The following TBC1D5 variants were observed in gnomAD, a reference collection of about 807,000 sequenced individuals.
The protein encoded by TBC1D5 is TBC1 domain family, member 5.
TBC1D5 carries 75 observed loss-of-function variants against 100.3 expected under a neutral mutation model. The observed-to-expected ratio is 0.75, with a 90% CI of 0.62 to 0.91. TBC1D5 has a LOEUF of 0.91. Ranked by LOEUF, TBC1D5 falls within the 40% of genes least tolerant of loss-of-function variation. The probability of loss-of-function intolerance (pLI) is 0.00; values close to 1 mark genes in which losing one functional copy is unlikely to be tolerated. For missense variants in TBC1D5, 910 were observed against 942.4 expected (o/e 0.97, Z 0.45); for synonymous variants, 323 against 325.6 (o/e 0.99, Z 0.09).
At chr3:17,667,732 A>G (rs2067434547) in intron 1 of TBC1D5, among the ~76,000 whole-genome samples, 1 of 152,158 alleles carries the variant, frequency 6.6e-6, no homozygotes, top group Non-Finnish European at 1.5e-5. Context: ...GATTACAAGC[A>G]TGAGCCACGG....
In TBC1D5 at chr3:17,561,650, G is replaced by C. The variant is rs1284939335; in HGVS notation, c.-35-53045C>G. Among the ~76,000 whole-genome samples the C allele has an allele frequency of 3.3e-5, 5 of 152,012 alleles. No homozygotes were observed. The East Asian group carries it at 5.8e-4, about 18-fold the overall frequency. The stretch of plus-strand genomic sequence containing the variant: ...TTTAAACACTGGAGTGGGAGGGTGA[G>C]GAGTATTATGTACAGCTTTAGGCCA... On this transcript the variant is annotated intron_variant, in intron 2 of 21. Coordinates refer to ENST00000253692, the Ensembl canonical transcript of TBC1D5.
intron 4 of TBC1D5, among the ~76,000 whole-genome samples, chr3:17,408,627 C>T (rs553057376): frequency 1.9e-4 from 29 of 152,094 alleles, no homozygotes; most frequent in Non-Finnish European, 3.7e-4. Context: ...AAGTCCTATA[C>T]TTTTAAAAAT....
intron 13 of TBC1D5, among the ~76,000 whole-genome samples, chr3:17,328,213 T>C (rs2086411206): frequency 6.6e-6 from 1 of 151,730 alleles, no homozygotes; most frequent in South Asian, 2.1e-4. Context: ...GAGGCCACAG[T>C]GAGCCATGAA....
At chr3:17,563,862 A>G (rs1249373371) in intron 2 of TBC1D5, among the ~76,000 whole-genome samples, 3 of 152,164 alleles carry the variant, frequency 2.0e-5, no homozygotes, top group African/African-American at 7.2e-5. Context: ...AGCTCTCTGC[A>G]AGCTCCGCCT....
rs71049202 is a variant in TBC1D5, at chr3:17,497,087, G to GACACACAC, written c.97+11379_97+11386dup. Among the ~76,000 whole-genome samples, 86 of 129,082 alleles carry GACACACAC rather than the reference G, an allele frequency of 6.7e-4. 1 individual carries two copies. Among genetic ancestry groups the GACACACAC allele is most frequent in the East Asian group, 2.0e-3 (8 of 4,022 alleles). 84.7% of individuals were successfully genotyped at this position (129,082 alleles called of 152,430 possible). ...TCTCTCTTTCTTTCTCTCTCTCTCT[G>GACACACAC]ACACACACACACACACACACACACA... On this transcript the variant is annotated intron_variant, in intron 3 of 21. Coordinates refer to ENST00000253692, the Ensembl canonical transcript of TBC1D5.
chr3:17,683,882 T>G (rs2069864349), intron 1 of TBC1D5, among the ~76,000 whole-genome samples: 1 of 152,194 alleles, frequency 6.6e-6, no homozygotes, highest in African/African-American at 2.4e-5. Flanking sequence ...AAGTCTACAT[T>G]AATGTCTCTT....
chr3:17,624,792 C>T (rs911217280), intron 1 of TBC1D5, among the ~76,000 whole-genome samples: 5 of 151,942 alleles, frequency 3.3e-5, no homozygotes, highest in Admixed American at 1.3e-4. Flanking sequence ...AATGAAAGAC[C>T]CTGTTCAAAA....
At chr3:17,679,398 A>C (rs938316502) in intron 1 of TBC1D5, among the ~76,000 whole-genome samples, 12 of 151,506 alleles carry the variant, frequency 7.9e-5, no homozygotes, top group African/African-American at 2.9e-4. Flanking sequence ...CACAATTTTA[A>C]CGCATTTATT....
intron 16 of TBC1D5, among the ~76,000 whole-genome samples, chr3:17,243,459 T>C (rs1465708892): frequency 6.6e-6 from 1 of 152,140 alleles, no homozygotes; most frequent in Non-Finnish European, 1.5e-5. Context: ...ATTGTATACA[T>C]GTATGATATA....
chr3:17,315,082 A>G (rs1028498110), intron 13 of TBC1D5, among the ~76,000 whole-genome samples: 3 of 152,206 alleles, frequency 2.0e-5, no homozygotes, highest in Non-Finnish European at 4.4e-5. Flanking sequence ...GAACCAAACT[A>G]TAAGACCCAT....
intron 13 of TBC1D5, among the ~76,000 whole-genome samples, chr3:17,350,662 C>A (rs1436147784): frequency 1.3e-5 from 2 of 152,178 alleles, no homozygotes; most frequent in African/African-American, 4.8e-5. Flanking sequence ...GCCCATCCAA[C>A]AAGTTTATGC....
At chr3:17,177,278 C>T (rs2067876105) in intron 19 of TBC1D5, among the ~76,000 whole-genome samples, 1 of 152,152 alleles carries the variant, frequency 6.6e-6, no homozygotes, top group South Asian at 2.1e-4. Context: ...GAGGGATAAG[C>T]TAGTGTGTAG....
At chr3:17,534,091 T>C (rs1576565129) in intron 2 of TBC1D5, among the ~76,000 whole-genome samples, 1 of 151,936 alleles carries the variant, frequency 6.6e-6, no homozygotes, top group South Asian at 2.1e-4. Flanking sequence ...CCCAAAGAAA[T>C]AGATCAAGAA....
At chr3:17,420,505 A>G (rs1267206296) in intron 4 of TBC1D5, among the ~76,000 whole-genome samples, 1 of 152,174 alleles carries the variant, frequency 6.6e-6, no homozygotes, top group African/African-American at 2.4e-5. Context: ...AAGGAGACCA[A>G]TGTGTAAATA....
At position 17,264,610 on chromosome 3, in the gene TBC1D5, C is replaced by T. The variant is rs185152400; in HGVS notation, c.1246-6019G>A. On this transcript the variant is annotated intron_variant, in intron 15 of 21. Transcript: ENST00000253692. The stretch of plus-strand genomic sequence containing the variant: ...GGCACTCATGTGCTCTAGCATCAGG[C>T]GCAGGGTGCCTGATAGGTGAGGCAA... 6.2e-4 allele frequency among the ~76,000 whole-genome samples: 95 copies of T among 152,266 alleles called. No individual in the cohort carries two copies. In the East Asian group the frequency reaches 0.016, roughly 26 times the overall value.
chr3:17,624,436 G>A (rs1257860134), intron 1 of TBC1D5, among the ~76,000 whole-genome samples: 2 of 151,926 alleles, frequency 1.3e-5, no homozygotes, highest in Admixed American at 6.6e-5. Flanking sequence ...ACAATGCTGC[G>A]TGAACAGCCA....
chr3:17,437,620 GGT>G (rs2094559856), intron 3 of TBC1D5, among the ~76,000 whole-genome samples: 2 of 102,954 alleles, frequency 1.9e-5, no homozygotes, highest in East Asian at 2.7e-4. Context: ...CAGAGACAGA[GGT>G]AGAGAGAGAG....
In TBC1D5 at chr3:17,287,455, G is replaced by A. The variant is rs371500869; in HGVS notation, c.1245+4440C>T. Among the ~76,000 whole-genome samples, 20 of 152,286 alleles carry A rather than the reference G, an allele frequency of 1.3e-4. No individual in the cohort carries two copies. The South Asian group carries it at 3.7e-3, about 28-fold the overall frequency. On this transcript the variant is annotated intron_variant, in intron 15 of 21. Coordinates refer to ENST00000253692, the Ensembl canonical transcript of TBC1D5. ...GTTTCATGGGGAATGCAGAACAGACGCCAGGAATCCGAGGAGGGAATGAAT... is the reference window on the plus strand; with the variant it reads ...GTTTCATGGGGAATGCAGAACAGACACCAGGAATCCGAGGAGGGAATGAAT...
In TBC1D5 at chr3:17,625,435, T is replaced by C. The variant is rs140223451; in HGVS notation, c.-100-1522A>G. On this transcript the variant is annotated intron_variant, in intron 1 of 21. Coordinates refer to ENST00000253692, the Ensembl canonical transcript of TBC1D5. The stretch of plus-strand genomic sequence containing the variant: ...TTTTATGTCACTTAATGGAGATAAA[T>C]ATTCTCTTCCCTTCTCATATTTACA... 9.2e-3 allele frequency among the ~76,000 whole-genome samples: 1,396 copies of C among 152,156 alleles called. 53 individuals are homozygous for C. The highest frequency in any genetic ancestry group is 0.071 in the Admixed American group (1,086 of 15,264).
Sources: allele counts gnomAD v4.1 joint callset (sites outside exome capture counted in the v4.1 genomes callset), GRCh38; gene constraint gnomAD v4.1.1; transcripts MANE v1.5; gene names NCBI Gene and HGNC (gene_info 2026-07-23, HGNC 2026-07-21).